DPYSL2: variants seen among roughly 807,000 people sequenced by gnomAD.
DPYSL2 encodes dihydropyrimidinase like 2, also known as dihydropyrimidinase-related protein 2.
DPYSL2 carries 13 observed loss-of-function variants against 69.9 expected under a neutral mutation model. The observed-to-expected ratio is 0.19, with a 90% confidence interval of 0.12 to 0.30. The LOEUF is 0.30. DPYSL2 is among the 10% of genes least tolerant of loss of function. DPYSL2 has a pLI of 1.00. For missense variants in DPYSL2, 587 were observed against 918.9 expected, an observed-to-expected ratio of 0.64 and a Z score of 4.67; for synonymous variants, 326 against 359.1, an observed-to-expected ratio of 0.91 and a Z score of 1.04.
At chr8:26,541,884 C>T (rs1398765980) in intron 1 of DPYSL2, among the ~76,000 whole-genome samples, 1 of 151,716 alleles carries the variant, frequency 6.6e-6, no homozygotes, top group African/African-American at 2.4e-5. Flanking sequence ...AGAGTTAAAA[C>T]AATGCAAGAC....
intron 7 of DPYSL2, among the ~76,000 whole-genome samples, chr8:26,629,877 G>A (rs62493368): frequency 0.13 from 19,716 of 152,192 alleles, 1,572 homozygotes; most frequent in Non-Finnish European, 0.18. Flanking sequence ...GATTACAGGC[G>A]TGAGCCACCG....
At chr8:26,552,254 G>C (rs1800883990) in intron 1 of DPYSL2, among the ~76,000 whole-genome samples, 1 of 152,094 alleles carries the variant, frequency 6.6e-6, no homozygotes, top group African/African-American at 2.4e-5. Flanking sequence ...CTTAATGAGA[G>C]ATTTATACCA....
At chr8:26,607,187 A>G (rs1802125008) in intron 3 of DPYSL2, among the ~76,000 whole-genome samples, 1 of 152,212 alleles carries the variant, frequency 6.6e-6, no homozygotes. Context: ...GTATATAGTC[A>G]TTAAAATTTA....
At chr8:26,530,455 G>A (rs911448452) in intron 1 of DPYSL2, among the ~76,000 whole-genome samples, 1 of 152,228 alleles carries the variant, frequency 6.6e-6, no homozygotes, top group African/African-American at 2.4e-5. Context: ...CTTTGAAATT[G>A]TCATGGAGCA....
chr8:26,595,050 A>ATCAATCAATCAG (rs1305076720), intron 3 of DPYSL2, among the ~76,000 whole-genome samples: 20 of 143,252 alleles, frequency 1.4e-4, no homozygotes, highest in African/African-American at 4.7e-4. Context: ...CAATCAATCA[A>ATCAATCAATCAG]TAACTAAAAA....
At chr8:26,548,030 C>G in intron 1 of DPYSL2, 1 of 257,788 alleles carries the variant, frequency 3.9e-6, no homozygotes, top group East Asian at 9.0e-5. Flanking sequence ...TCTGGACTCT[C>G]AAAGAGAAAT....
At position 26,644,021 on chromosome 8, in the gene DPYSL2, A is replaced by G. The variant is rs1803109153; in HGVS notation, c.1355A>G (p.Asn452Ser). ...GCCCAGAAGGCTGTAGGAAAGGACA[A>G]CTTCACCCTGATTCCGGAGGGCACC... is the stretch of plus-strand genomic sequence containing the variant. ...NTAQKAVGKD[N>S]FTLIPEGTNG... The change falls in exon 10 of 14, where the codon AAC (asparagine) becomes AGC (serine). Residue 452 changes from asparagine to serine, a missense_variant. This residue lies in a region of DPYSL2 where 452 missense variants were observed against 754.3 expected (regional missense o/e 0.60). Transcript: ENST00000521913. The surrounding 1 kb of genome is among the most constrained non-coding windows in gnomAD (Gnocchi z 4.5). 1.9e-6 allele frequency: 3 copies of G among 1,614,100 alleles called. No homozygotes were observed. Among genetic ancestry groups the G allele is most frequent in the Middle Eastern group, 1.6e-4 (1 of 6,084 alleles).
chr8:26,633,297 G>A (rs1802821602), intron 7 of DPYSL2, among the ~76,000 whole-genome samples: 1 of 152,130 alleles, frequency 6.6e-6, no homozygotes, highest in Admixed American at 6.5e-5. Context: ...TTGCTGGGAT[G>A]GAGAGGGAGC....
intron 3 of DPYSL2, among the ~76,000 whole-genome samples, chr8:26,622,507 T>TATA (rs71216767): frequency 3.1e-3 from 175 of 55,672 alleles, no homozygotes; most frequent in African/African-American, 0.011. Flanking sequence ...TATATATATA[T>TATA]TTTTTTTTTT....
At position 26,612,118 on chromosome 8, in the gene DPYSL2, G is replaced by A. The variant is rs114975895; in HGVS notation, c.629-12025G>A. ...CAGTCCCCCAGTTGGATCTTGGAAG[G>A]TAGACATTTATTTGAAACAGACAGC... is the stretch of plus-strand genomic sequence containing the variant. On this transcript the variant is annotated intron_variant, in intron 3 of 13. Coordinates refer to ENST00000521913, the MANE Select transcript of DPYSL2 (RefSeq NM_001197293.3). 4.9e-3 allele frequency among the ~76,000 whole-genome samples: 744 copies of A among 152,332 alleles called. 8 individuals are homozygous for A. Among genetic ancestry groups the A allele is most frequent in the African/African-American group, 0.017 (708 of 41,584 alleles).
intron 1 of DPYSL2, among the ~76,000 whole-genome samples, chr8:26,539,134 CT>C (rs1800640321): frequency 2.0e-5 from 3 of 152,222 alleles, no homozygotes; most frequent in Admixed American, 6.5e-5. Context: ...GCTACCTCTA[CT>C]TTTAACATAT....
Position 26,640,269 on chromosome 8 carries a change from T to TC in DPYSL2, c.1127-3166dup, listed in dbSNP as rs909543628. 6.6e-6 allele frequency among the ~76,000 whole-genome samples: 1 copy of TC among 152,192 alleles called. No homozygotes were observed. The highest frequency in any genetic ancestry group is 1.5e-5 in the Non-Finnish European group (1 of 68,026). ...GGTTGTAAATAAGCACCAGCTCCCA[T>TC]CCCCTGCAGTTCTTGGCCTTATAGA... On this transcript the variant is annotated intron_variant, in intron 8 of 13. Transcript: ENST00000521913. The surrounding 1 kb of genome is among the most constrained non-coding windows in gnomAD (Gnocchi z 4.2).
intron 1 of DPYSL2, among the ~76,000 whole-genome samples, chr8:26,559,662 C>A (rs1158382490): frequency 6.6e-6 from 1 of 152,146 alleles, no homozygotes; most frequent in Non-Finnish European, 1.5e-5. Context: ...GATTCATAAA[C>A]AATTAAGGAT....
intron 8 of DPYSL2, among the ~76,000 whole-genome samples, chr8:26,638,417 G>A (rs1802964997): frequency 1.3e-5 from 2 of 152,200 alleles, no homozygotes; most frequent in South Asian, 4.1e-4. Flanking sequence ...AACCTCCCCA[G>A]CCAAGACCTG....
intron 1 of DPYSL2, chr8:26,548,335 A>G (rs776056438): frequency 1.2e-5 from 3 of 241,856 alleles, no homozygotes; most frequent in Admixed American, 4.7e-5. Flanking sequence ...GCTGAGCTTT[A>G]TCATAATTTC....
At chr8:26,556,135 C>T (rs374468912) in intron 1 of DPYSL2, among the ~76,000 whole-genome samples, 6,734 of 11,722 alleles carry the variant, frequency 0.57, 2,107 homozygotes, top group East Asian at 0.89. Flanking sequence ...ATTATATATA[C>T]TATATATAGT....
intron 3 of DPYSL2, among the ~76,000 whole-genome samples, chr8:26,589,404 C>A (rs890993848): frequency 6.6e-6 from 1 of 152,228 alleles, no homozygotes; most frequent in Non-Finnish European, 1.5e-5. Context: ...GCCTGGGCAG[C>A]CTCACTCCTC....
At chr8:26,522,679 AT>A (rs921212340) in intron 1 of DPYSL2, among the ~76,000 whole-genome samples, 1 of 151,770 alleles carries the variant, frequency 6.6e-6, no homozygotes, top group African/African-American at 2.4e-5. Context: ...AACTTTGTAC[AT>A]TTTTTTTAGC....
In DPYSL2 at chr8:26,655,780, T is replaced by C; in HGVS notation, c.*74T>C. The C allele has an allele frequency of 1.7e-6, 2 of 1,205,316 alleles. No homozygotes were observed. Among genetic ancestry groups the C allele is most frequent in the Non-Finnish European group, 2.2e-6 (2 of 893,730 alleles). 74.7% of individuals were successfully genotyped at this position (1,205,316 alleles called of 1,614,324 possible). On this transcript the variant is annotated 3_prime_UTR_variant, in exon 14 of 14. Coordinates refer to ENST00000521913, the MANE Select transcript of DPYSL2 (RefSeq NM_001197293.3). The stretch of plus-strand genomic sequence containing the variant: ...GGACATTCTGAGACTTCTTTCTTCC[T>C]TCCTTTTTTTTTTTTTGTTTTTTTT...
Sources: gnomAD v4.1 joint callset for allele counts (sites outside exome capture counted in the v4.1 genomes callset) on GRCh38, gnomAD v4.1.1 for gene constraint, gnomAD v4.1.1 regional missense constraint, Gnocchi (gnomAD v3.1) non-coding constraint, MANE v1.5 for transcripts, NCBI Gene and HGNC (gene_info 2026-07-23, HGNC 2026-07-21) for gene names.